IGSF11: variants seen among roughly 807,000 people sequenced by gnomAD.
IGSF11 encodes the protein immunoglobulin superfamily member 11.
IGSF11 carries 22 observed loss-of-function variants against 41.0 expected under a neutral mutation model. The observed-to-expected ratio is 0.54, with a 90% CI of 0.38 to 0.77. IGSF11 has a LOEUF of 0.77. Among genes scored for constraint, IGSF11 ranks in the 30% least tolerant of loss-of-function variants. The probability of loss-of-function intolerance (pLI) is 0.00; values close to 1 mark genes in which losing one functional copy is unlikely to be tolerated. For synonymous variants in IGSF11, 219 were observed against 201.3 expected (o/e 1.09, Z -0.74); for missense variants, 444 against 530.8 (o/e 0.84, Z 1.61).
intron 1 of IGSF11, among the ~76,000 whole-genome samples, chr3:119,045,432 G>C (rs1228372966): frequency 4.3e-4 from 65 of 152,130 alleles, no homozygotes; most frequent in African/African-American, 1.5e-3. Flanking sequence ...CTGCGCTTTT[G>C]CGACGGGCTT....
At chr3:119,068,927 C>CTTTTTTTTTTT (rs574659492) in intron 1 of IGSF11, among the ~76,000 whole-genome samples, 43 of 80,988 alleles carry the variant, frequency 5.3e-4, no homozygotes, top group East Asian at 7.4e-4. Flanking sequence ...TTTTTTTTTT[C>CTTTTTTTTTTT]TTTTTTTTTT....
intron 1 of IGSF11, among the ~76,000 whole-genome samples, chr3:119,076,904 C>A (rs373273201): frequency 6.6e-6 from 1 of 152,068 alleles, no homozygotes; most frequent in Non-Finnish European, 1.5e-5. Flanking sequence ...TTTGACCCAG[C>A]GATCCCATTA....
intron 1 of IGSF11, among the ~76,000 whole-genome samples, chr3:118,962,089 A>G (rs1310113965): frequency 6.6e-6 from 1 of 152,146 alleles, no homozygotes; most frequent in Non-Finnish European, 1.5e-5. Flanking sequence ...TCTGTCTCTG[A>G]CCCATATATG....
intron 1 of IGSF11, among the ~76,000 whole-genome samples, chr3:118,968,658 A>G (rs1328821005): frequency 6.6e-6 from 1 of 152,246 alleles, no homozygotes; most frequent in Non-Finnish European, 1.5e-5. Flanking sequence ...TATCTCTTCG[A>G]TAACTTTGAG....
At chr3:119,100,625 C>A (rs886346995) in intron 1 of IGSF11, among the ~76,000 whole-genome samples, 1 of 152,186 alleles carries the variant, frequency 6.6e-6, no homozygotes, top group African/African-American at 2.4e-5. Context: ...CTTCATACTT[C>A]AACTTATTTA....
chr3:119,107,501 G>C (rs888407400), upstream of IGSF11, among the ~76,000 whole-genome samples: 3 of 152,084 alleles, frequency 2.0e-5, no homozygotes, highest in African/African-American at 4.8e-5. Context: ...TTTGTCAGGT[G>C]AGTAGGTTGC....
intron 1 of IGSF11, among the ~76,000 whole-genome samples, chr3:118,939,573 C>G (rs1943525917): frequency 9.0e-6 from 1 of 111,508 alleles, no homozygotes; most frequent in Admixed American, 8.7e-5. Flanking sequence ...AAGACTCCGT[C>G]TCAAAAAAAA....
At chr3:118,990,790 T>C (rs1387748430) in intron 1 of IGSF11, among the ~76,000 whole-genome samples, 4 of 147,210 alleles carry the variant, frequency 2.7e-5, no homozygotes, top group African/African-American at 5.2e-5. Flanking sequence ...AGTATTTCAA[T>C]AGATTTCAAA....
At chr3:119,042,811 G>T (rs1941171364) in intron 1 of IGSF11, among the ~76,000 whole-genome samples, 1 of 152,166 alleles carries the variant, frequency 6.6e-6, no homozygotes, top group African/African-American at 2.4e-5. Flanking sequence ...TACTACCTCA[G>T]CTGGTGCTCT....
intron 1 of IGSF11, among the ~76,000 whole-genome samples, chr3:118,979,412 C>A (rs1934471747): frequency 1.3e-5 from 2 of 151,978 alleles, no homozygotes; most frequent in Non-Finnish European, 2.9e-5. Flanking sequence ...TCAGAGATCT[C>A]CAAATAGGTA....
intron 4 of IGSF11, among the ~76,000 whole-genome samples, chr3:118,909,079 T>C (rs1939956560): frequency 6.6e-6 from 1 of 152,236 alleles, no homozygotes; most frequent in South Asian, 2.1e-4. Context: ...GGAACTGATA[T>C]ATTTTTCCGA....
chr3:119,082,034 C>T (rs2076594161), intron 1 of IGSF11, among the ~76,000 whole-genome samples: 1 of 152,124 alleles, frequency 6.6e-6, no homozygotes, highest in Non-Finnish European at 1.5e-5. Context: ...CATTCATGGT[C>T]CTGAGATCCT....
At chr3:119,057,063 A>G (rs1229645378) in intron 1 of IGSF11, among the ~76,000 whole-genome samples, 1 of 152,204 alleles carries the variant, frequency 6.6e-6, no homozygotes, top group African/African-American at 2.4e-5. Context: ...AAACTGGCAC[A>G]AGACAGGGAG....
At position 119,096,058 on chromosome 3, in the gene IGSF11, A is replaced by G. The variant is rs972055737; in HGVS notation, c.49+9086T>C. ...AGGATGAAAACTGTTTTATTTATTT[A>G]TTTATTTATTTATATTTAACTCCAG... is the stretch of plus-strand genomic sequence containing the variant. On this transcript the variant is annotated intron_variant, in intron 1 of 6. Coordinates refer to the IGSF11 transcript ENST00000354673. Among the ~76,000 whole-genome samples the G allele has an allele frequency of 3.3e-5, 5 of 152,046 alleles. 1 individual carries two copies. The highest frequency in any genetic ancestry group is 3.9e-4 in the East Asian group (2 of 5,180).
chr3:119,064,329 C>T (rs1285434624), intron 1 of IGSF11, among the ~76,000 whole-genome samples: 3 of 152,068 alleles, frequency 2.0e-5, no homozygotes, highest in Admixed American at 1.3e-4. Flanking sequence ...GCAGCATAGC[C>T]TTTGTCATAA....
At chr3:119,023,031 G>A (rs1305815709) in intron 1 of IGSF11, among the ~76,000 whole-genome samples, 2 of 152,058 alleles carry the variant, frequency 1.3e-5, no homozygotes, top group African/African-American at 2.4e-5. Context: ...GGAGGTTGAG[G>A]CAGGAGGATC....
intron 1 of IGSF11, among the ~76,000 whole-genome samples, chr3:119,005,869 C>T (rs369056259): frequency 2.3e-5 from 3 of 128,228 alleles, no homozygotes; most frequent in African/African-American, 3.6e-5. Context: ...GAGGGTAACC[C>T]GACCTTTCTC....
chr3:119,110,692 T>C (rs2077139091), intron 1 of IGSF11, among the ~76,000 whole-genome samples: 1 of 152,354 alleles, frequency 6.6e-6, no homozygotes, highest in African/African-American at 2.4e-5. Flanking sequence ...GTCTTGATGG[T>C]CTTTACATTT....
At chr3:119,079,698 A>C (rs946840751) in intron 1 of IGSF11, among the ~76,000 whole-genome samples, 1 of 152,258 alleles carries the variant, frequency 6.6e-6, no homozygotes. Context: ...AATACTATGC[A>C]GCCATAAAAA....
Sources: allele counts gnomAD v4.1 joint callset (sites outside exome capture counted in the v4.1 genomes callset), GRCh38; gene constraint gnomAD v4.1.1; transcripts MANE v1.5; gene names NCBI Gene and HGNC (gene_info 2026-07-23, HGNC 2026-07-21).